Variants in CNTNAP2 observed in about 807,000 individuals in gnomAD.
CNTNAP2 encodes contactin-associated protein-like 2.
CNTNAP2 carries 98 observed loss-of-function variants against 155.2 expected under a neutral mutation model. The observed-to-expected ratio is 0.63, with a 90% confidence interval of 0.54 to 0.75. CNTNAP2 has a LOEUF of 0.75. Among genes scored for constraint, CNTNAP2 ranks in the 30% least tolerant of loss-of-function variants. CNTNAP2 has a pLI of 0.00. For missense variants in CNTNAP2, 1,727 were observed against 1,688.1 expected, an observed-to-expected ratio of 1.02 and a Z score of -0.40; for synonymous variants, 651 against 631.2, an observed-to-expected ratio of 1.03 and a Z score of -0.47.
intron 1 of CNTNAP2, among the ~76,000 whole-genome samples, chr7:146,749,608 A>G (rs903907657): frequency 6.6e-6 from 1 of 152,226 alleles, no homozygotes; most frequent in African/African-American, 2.4e-5. Flanking sequence ...TATGTTTTAC[A>G]AATTTGTCTT....
At chr7:146,483,904 G>A (rs1378805405) in intron 1 of CNTNAP2, among the ~76,000 whole-genome samples, 4 of 152,092 alleles carry the variant, frequency 2.6e-5, no homozygotes, top group Non-Finnish European at 5.9e-5. Context: ...TAATTGTATA[G>A]TGTTTATAAA....
At chr7:147,729,702 G>A (rs557093678) in intron 13 of CNTNAP2, among the ~76,000 whole-genome samples, 1 of 152,208 alleles carries the variant, frequency 6.6e-6, no homozygotes, top group Non-Finnish European at 1.5e-5. Context: ...AAGATGGATT[G>A]TAGAAAATCA....
At chr7:146,985,854 G>A (rs1357140250) in intron 3 of CNTNAP2, among the ~76,000 whole-genome samples, 2 of 152,120 alleles carry the variant, frequency 1.3e-5, no homozygotes, top group East Asian at 3.9e-4. Context: ...ATTGTTAAGT[G>A]TGTCCAAACC....
rs375300008 is a variant in CNTNAP2, at chr7:147,035,742, A to G, written c.403-8165A>G. 8.9e-4 allele frequency among the ~76,000 whole-genome samples: 136 copies of G among 152,324 alleles called. 1 individual carries two copies. The highest frequency in any genetic ancestry group is 6.8e-3 in the Middle Eastern group (2 of 294). On this transcript the variant is annotated intron_variant, in intron 3 of 23. Transcript: ENST00000361727. ...AGATACAGAGTCTCATTCATTCGCT[A>G]TAGGAGCTTGTGATCTTTTATGTTA...
At chr7:147,535,166 A>G (rs183293149) in intron 11 of CNTNAP2, among the ~76,000 whole-genome samples, 2,232 of 152,250 alleles carry the variant, frequency 0.015, 58 homozygotes, top group African/African-American at 0.051. Context: ...GCCGAGGCGG[A>G]TGGATCACCT....
intron 16 of CNTNAP2, among the ~76,000 whole-genome samples, chr7:148,140,725 G>A (rs1304336059): frequency 6.6e-6 from 1 of 152,108 alleles, no homozygotes; most frequent in Non-Finnish European, 1.5e-5. Flanking sequence ...CCCAGCCCAG[G>A]CCCCATCTTA....
chr7:146,891,017 G>T (rs1231961840), intron 3 of CNTNAP2, among the ~76,000 whole-genome samples: 1 of 152,124 alleles, frequency 6.6e-6, no homozygotes. Flanking sequence ...ATTGGATAAT[G>T]AAAATGTGAT....
intron 15 of CNTNAP2, among the ~76,000 whole-genome samples, chr7:148,047,694 C>T (rs1007918708): frequency 6.6e-6 from 1 of 152,134 alleles, no homozygotes; most frequent in African/African-American, 2.4e-5. Context: ...ATTTTTTTGC[C>T]AGCCTGTGTG....
intron 13 of CNTNAP2, among the ~76,000 whole-genome samples, chr7:147,853,971 G>T (rs532809641): frequency 7.1e-4 from 108 of 152,216 alleles, no homozygotes; most frequent in African/African-American, 2.4e-3. Context: ...ATTATCTCAC[G>T]GTTTTTAAAA....
intron 1 of CNTNAP2, among the ~76,000 whole-genome samples, chr7:146,297,262 G>A (rs899494747): frequency 2.0e-5 from 3 of 151,786 alleles, no homozygotes; most frequent in Admixed American, 2.0e-4. Context: ...AGATCTGTAT[G>A]TTTTCTTGTT....
intron 4 of CNTNAP2, among the ~76,000 whole-genome samples, chr7:147,106,512 T>A (rs748625440): frequency 6.6e-6 from 1 of 152,074 alleles, no homozygotes; most frequent in Non-Finnish European, 1.5e-5. Flanking sequence ...TTCTGTTGAT[T>A]AAGAAAGTCT....
In CNTNAP2 at chr7:147,949,458, A is replaced by ATATATATATATATATATT. The variant is rs1433579404; in HGVS notation, c.2256-28403_2256-28402insATATATATATATATATTT. Among the ~76,000 whole-genome samples the ATATATATATATATATATT allele has an allele frequency of 3.0e-3, 410 of 137,260 alleles. 3 individuals carry two copies. Among genetic ancestry groups the ATATATATATATATATATT allele is most frequent in the South Asian group, 0.015 (64 of 4,184 alleles). 90.0% of individuals were successfully genotyped at this position (137,260 alleles called of 152,430 possible). A position where few individuals can be genotyped will look rare whatever the true frequency, so the allele number is the denominator to read the frequency against. ...ACTGTGTGTATATATATATATATATATTTTTTTTTTTTAGGTTTATTGCAG... is the reference window on the plus strand; with the variant it reads ...ACTGTGTGTATATATATATATATATATATATATATATATATATTTTTTTTTTTTTTAGGTTTATTGCAG... On this transcript the variant is annotated intron_variant, in intron 14 of 23. Transcript: ENST00000361727.
At chr7:147,918,419 GA>G (rs1433368739) in intron 14 of CNTNAP2, among the ~76,000 whole-genome samples, 2 of 152,160 alleles carry the variant, frequency 1.3e-5, no homozygotes, top group African/African-American at 4.8e-5. Flanking sequence ...GCAAAAATTG[GA>G]AAGTTACTTT....
chr7:147,076,264 C>G (rs1423651367), intron 4 of CNTNAP2, among the ~76,000 whole-genome samples: 1 of 152,168 alleles, frequency 6.6e-6, no homozygotes, highest in Non-Finnish European at 1.5e-5. Context: ...TAAAAGTGTT[C>G]CTATTTCTCC....
intron 10 of CNTNAP2, among the ~76,000 whole-genome samples, chr7:147,434,738 T>G (rs1166788200): frequency 1.3e-5 from 2 of 152,212 alleles, no homozygotes; most frequent in Non-Finnish European, 2.9e-5. Context: ...GTAGCTTTAG[T>G]TGTACATGGA....
chr7:146,839,593 A>G (rs768367533), intron 2 of CNTNAP2, 118 bp from the exon 3 acceptor site: 19 of 994,324 alleles, frequency 1.9e-5, no homozygotes, highest in Admixed American at 5.9e-5. Flanking sequence ...ATTTCATAAT[A>G]TATCTGTGAA....
In CNTNAP2 at chr7:147,121,141, A is replaced by G. The variant is rs758988035; in HGVS notation, c.917A>G (p.Asp306Gly). ...MQHFRTNGEF[D>G]YLDLDYEITF... ...CACTTCCGTACCAATGGAGAGTTTG[A>G]CTACCTGGACTTGGACTATGAGGTA... Residue 306 changes from aspartate to glycine, a missense_variant, in exon 6 of 24, where the codon GAC (aspartate) becomes GGC (glycine). Asp to Gly is a moderately conservative substitution (Grantham distance 94). Coordinates refer to ENST00000361727, the MANE Select transcript of CNTNAP2 (RefSeq NM_014141.6). The G allele has an allele frequency of 3.7e-6, 6 of 1,614,150 alleles. No homozygotes were observed. In the Admixed American group the frequency reaches 1.0e-4, roughly 27 times the overall value.
At chr7:148,351,770 A>G (rs1332508493) in intron 21 of CNTNAP2, among the ~76,000 whole-genome samples, 1 of 149,512 alleles carries the variant, frequency 6.7e-6, no homozygotes, top group Non-Finnish European at 1.5e-5. Flanking sequence ...ATAGAAACCG[A>G]GACTCACAGG....
chr7:146,904,377 G>T (rs185857288), intron 3 of CNTNAP2, among the ~76,000 whole-genome samples: 2 of 152,302 alleles, frequency 1.3e-5, no homozygotes, highest in East Asian at 3.9e-4. Context: ...ACGAAATGTG[G>T]CAGGTTTACA....
Sources: gnomAD v4.1 joint callset for allele counts (sites outside exome capture counted in the v4.1 genomes callset) on GRCh38, gnomAD v4.1.1 for gene constraint, MANE v1.5 for transcripts, NCBI Gene and HGNC (gene_info 2026-07-23, HGNC 2026-07-21) for gene names.